Variants in SLC35G1 observed in about 807,000 individuals in gnomAD.
SLC35G1 encodes solute carrier family 35 member G1, also known as partner of STIM1.
A neutral mutation model predicts 17.1 loss-of-function variants in SLC35G1; 10 were observed. The observed-to-expected ratio is 0.59, with a 90% confidence interval of 0.36 to 0.99. The LOEUF (loss-of-function observed/expected upper bound fraction) is 0.99, where lower values mean the gene tolerates loss of function less well. SLC35G1 is among the 50% of genes least tolerant of loss of function. The pLI is 0.01. For missense variants in SLC35G1, 433 were observed against 468.4 expected, an observed-to-expected ratio of 0.92 and a Z score of 0.70; for synonymous variants, 185 against 181.1, an observed-to-expected ratio of 1.02 and a Z score of -0.18.
chr10:93,898,503 G>C (rs1441093324), intron 1 of SLC35G1, 68 bp from the exon 2 acceptor site: 3 of 1,497,040 alleles, frequency 2.0e-6, no homozygotes, highest in African/African-American at 1.4e-5. Context: ...ATTTTTCTCA[G>C]TTTCTAAGTG....
chr10:93,899,451 T>C (rs2060361336), intron 2 of SLC35G1, among the ~76,000 whole-genome samples: 1 of 152,140 alleles, frequency 6.6e-6, no homozygotes, highest in African/African-American at 2.4e-5. Context: ...GGGTTAAAAT[T>C]ATGCCTCCTT....
At chr10:93,906,544 T>TA (rs1199328946), downstream of SLC35G1, among the ~76,000 whole-genome samples, 9 of 148,066 alleles carry the variant, frequency 6.1e-5, no homozygotes, top group African/African-American at 7.4e-5. Flanking sequence ...TTTAAGCCAC[T>TA]AAAAAAAAAA....
chr10:93,905,915 G>T (rs900510095), downstream of SLC35G1, among the ~76,000 whole-genome samples: 2 of 152,162 alleles, frequency 1.3e-5, no homozygotes, highest in Non-Finnish European at 2.9e-5. Flanking sequence ...CAGCATGAAA[G>T]TACCATGCCA....
intron 1 of SLC35G1, among the ~76,000 whole-genome samples, chr10:93,896,286 G>A (rs2060329084): frequency 2.0e-5 from 3 of 152,162 alleles, no homozygotes. Context: ...ATGAGCCACT[G>A]CACCCAGGAA....
At chr10:93,908,200 A>G (rs1234659544), downstream of SLC35G1, 1 of 152,256 alleles carries the variant, frequency 6.6e-6, no homozygotes, top group Non-Finnish European at 1.5e-5. Context: ...TTTACTTGGA[A>G]AGGACACTAA....
rs1001082231 is a variant in SLC35G1, at chr10:93,898,875, C to T, written c.359+124C>T. 3.2e-6 allele frequency: 3 copies of T among 941,572 alleles called. No homozygotes were observed. In the Admixed American group the frequency reaches 9.8e-5, roughly 31 times the overall value. 58.3% of individuals were successfully genotyped at this position (941,572 alleles called of 1,614,324 possible). A position where few individuals can be genotyped will look rare whatever the true frequency, so the allele number is the denominator to read the frequency against. On this transcript the variant is annotated intron_variant, in intron 2 of 2. Transcript: ENST00000427197. The stretch of plus-strand genomic sequence containing the variant: ...ACTTACCAGTTCCTATGCCCCTTGG[C>T]TCTGCTTAATGAAAAGTCATAAGCA...
Position 93,898,126 on chromosome 10 carries a change from A to G in SLC35G1, c.179-445A>G, listed in dbSNP as rs1170403559. Among the ~76,000 whole-genome samples the G allele has an allele frequency of 4.1e-4, 63 of 152,234 alleles. 2 individuals carry two copies. Among genetic ancestry groups the G allele is most frequent in the Admixed American group, 4.1e-3 (63 of 15,288 alleles). Reference sequence around the variant, plus strand: ...GAGGAAGTCAAATAATCAACAGATAACTGTATAACCCAATTATAACCCATT... The same window carrying G: ...GAGGAAGTCAAATAATCAACAGATAGCTGTATAACCCAATTATAACCCATT... On this transcript the variant is annotated intron_variant, in intron 1 of 2. Transcript: ENST00000427197.
rs148540365 is a variant in SLC35G1 at position 93,895,355 on chromosome 10, C to T, written c.178+1144C>T. 3.8e-3 allele frequency among the ~76,000 whole-genome samples: 578 copies of T among 152,312 alleles called. 3 individuals are homozygous for T. The highest frequency in any genetic ancestry group is 0.013 in the African/African-American group (522 of 41,568). On this transcript the variant is annotated intron_variant, in intron 1 of 2. Coordinates refer to ENST00000427197, the MANE Select transcript of SLC35G1 (RefSeq NM_001134658.3). ...TGGTGCCTCTAGAACAGGGGTTATGCCAGGCTGAATTGAACAGATAAGCAG... is the reference window on the plus strand; with the variant it reads ...TGGTGCCTCTAGAACAGGGGTTATGTCAGGCTGAATTGAACAGATAAGCAG...
chr10:93,894,158 G>A lies in SLC35G1; in HGVS notation c.125G>A (p.Arg42His). The change falls in exon 1 of 3, where the codon CGC becomes CAC. Residue 42 changes from arginine (R) to histidine (H), a missense_variant. Coordinates refer to ENST00000427197, the MANE Select transcript of SLC35G1 (RefSeq NM_001134658.3). ...AAAEAAGAPDRGRCWLCLSSP... is the reference protein window; with the variant it reads ...AAAEAAGAPDHGRCWLCLSSP... ...GCCGAGGCAGCTGGGGCGCCAGACC[G>A]CGGTAGGTGCTGGCTCTGCCTTTCC... 2.0e-6 allele frequency: 3 copies of A among 1,480,526 alleles called. No homozygotes were observed. The highest frequency in any genetic ancestry group is 2.9e-5 in the East Asian group (1 of 34,044). The allele number at this position is 1,480,526 out of a possible 1,614,324, so 91.7% of individuals were successfully genotyped here.
At chr10:93,897,894 A>G (rs1413768520) in intron 1 of SLC35G1, among the ~76,000 whole-genome samples, 1 of 152,240 alleles carries the variant, frequency 6.6e-6, no homozygotes, top group Non-Finnish European at 1.5e-5. Context: ...AAGCATGAAA[A>G]GTTAAATATA....
chr10:93,894,053 C>A lies in SLC35G1; in HGVS notation c.20C>A (p.Thr7Asn). 1 of 1,481,282 alleles carries A rather than the reference C, an allele frequency of 6.8e-7. No individual in the cohort carries two copies. Among genetic ancestry groups the A allele is most frequent in the Non-Finnish European group, 8.9e-7 (1 of 1,124,162 alleles). The allele number at this position is 1,481,282 out of a possible 1,614,324, so 91.8% of individuals were successfully genotyped here. A position where few individuals can be genotyped will look rare whatever the true frequency, so the allele number is the denominator to read the frequency against. MRPQDS[T>N]GVAELQEPGL... is the part of the protein sequence containing the mutation. ...CGCGAGATGCGGCCTCAGGACAGCA[C>A]CGGGGTCGCGGAGCTCCAGGAGCCC... The change falls in exon 1 of 3, where the codon ACC becomes AAC. Residue 7 changes from threonine (T) to asparagine (N), a missense_variant. Thr to Asn is a moderately conservative substitution (Grantham distance 65). Transcript: ENST00000427197.
rs2134067149 is a variant in SLC35G1 at position 93,898,821 on chromosome 10, T to C, written c.359+70T>C. The C allele has an allele frequency of 2.1e-6, 3 of 1,417,770 alleles. No homozygotes were observed. The East Asian group carries it at 7.0e-5, about 33-fold the overall frequency. 87.8% of individuals were successfully genotyped at this position (1,417,770 alleles called of 1,614,324 possible). A position where few individuals can be genotyped will look rare whatever the true frequency, so the allele number is the denominator to read the frequency against. On this transcript the variant is annotated intron_variant, in intron 2 of 2. Transcript: ENST00000427197. The stretch of plus-strand genomic sequence containing the variant: ...TGTATATCTTTTCACCTGCCTATAA[T>C]TACTCTATCTGCTTTATCCATCTCA...
chr10:93,895,133 A>G (rs959021636), intron 1 of SLC35G1, among the ~76,000 whole-genome samples: 3 of 152,180 alleles, frequency 2.0e-5, no homozygotes, highest in African/African-American at 7.2e-5. Context: ...CACGGCCTGC[A>G]CCACCTTGTC....
At chr10:93,895,698 A>G (rs1212544876) in intron 1 of SLC35G1, among the ~76,000 whole-genome samples, 1 of 152,214 alleles carries the variant, frequency 6.6e-6, no homozygotes, top group East Asian at 1.9e-4. Flanking sequence ...TCTTGTTCTA[A>G]CTGCTTATCT....
In SLC35G1 at chr10:93,894,020, G is replaced by T. The variant is rs577014272; in HGVS notation, c.-14G>T. On this transcript the variant is annotated 5_prime_UTR_variant, in exon 1 of 3. Transcript: ENST00000427197. ...CCAGACGGCACCGGCCGCTGGTAGA[G>T]CGCGTGCCGCGAGATGCGGCCTCAG... is the stretch of plus-strand genomic sequence containing the variant. 3 of 1,400,538 alleles carry T rather than the reference G, an allele frequency of 2.1e-6. No homozygotes were observed. The highest frequency in any genetic ancestry group is 3.1e-5 in the East Asian group (1 of 32,496). The allele number at this position is 1,400,538 out of a possible 1,614,324, so 86.8% of individuals were successfully genotyped here. A position where few individuals can be genotyped will look rare whatever the true frequency, so the allele number is the denominator to read the frequency against.
rs544185205 is a variant in SLC35G1, at chr10:93,900,628, ATTAAT to A, written c.360-120_360-116del. 1.2e-4 allele frequency: 89 copies of A among 771,102 alleles called. 1 individual carries two copies. In the East Asian group the frequency reaches 2.4e-3, roughly 21 times the overall value. The allele number at this position is 771,102 out of a possible 1,614,324, so 47.8% of individuals were successfully genotyped here. A position where few individuals can be genotyped will look rare whatever the true frequency, so the allele number is the denominator to read the frequency against. ...ATAATATTCATTTGTGGATATTATAATTAATTTACTATTCCCTCATTTTTTGATAT... is the reference window on the plus strand; with the variant it reads ...ATAATATTCATTTGTGGATATTATAATTACTATTCCCTCATTTTTTGATAT... On this transcript the variant is annotated intron_variant, in intron 2 of 2. Coordinates refer to ENST00000427197, the MANE Select transcript of SLC35G1 (RefSeq NM_001134658.3).
rs2134070269 is a variant in SLC35G1 at position 93,901,713 on chromosome 10, TG to T, written c.*224del. 1 of 420,946 alleles carries T rather than the reference TG, an allele frequency of 2.4e-6. No homozygotes were observed. The highest frequency in any genetic ancestry group is 4.0e-5 in the East Asian group (1 of 25,282). 26.1% of individuals were successfully genotyped at this position (420,946 alleles called of 1,614,324 possible). A position where few individuals can be genotyped will look rare whatever the true frequency, so the allele number is the denominator to read the frequency against. On this transcript the variant is annotated 3_prime_UTR_variant, in exon 3 of 3. Transcript: ENST00000427197. ...TGGTTTTGGTTTTGGTTTTTTTTGT[TG>T]TTGTTGTTGGGGTCAAGTTGGTGAG...
chr10:93,908,352 C>G (rs112037968), downstream of SLC35G1: 268 of 152,308 alleles, frequency 1.8e-3, 1 homozygote, highest in African/African-American at 6.2e-3. Context: ...TTCTAGTCCC[C>G]TCACTAGTAA....
chr10:93,900,962 C>T lies in SLC35G1; in HGVS notation c.570C>T (p.Thr190=), dbSNP rs780842707. The change falls in exon 3 of 3, where the codon ACC becomes ACT. Residue 190 remains threonine (T), a synonymous_variant. Transcript: ENST00000427197. ...EKYSPWDALF[T]VFTITGVILI... Reference sequence around the variant, plus strand: ...ATAGCCCTTGGGATGCTCTTTTCACCGTGTTCACAATCACTGGAGTGATCC... The same window carrying T: ...ATAGCCCTTGGGATGCTCTTTTCACTGTGTTCACAATCACTGGAGTGATCC... 48 of 1,613,930 alleles carry T rather than the reference C, an allele frequency of 3.0e-5. No individual in the cohort carries two copies. Among genetic ancestry groups the T allele is most frequent in the East Asian group, 4.5e-5 (2 of 44,894 alleles).
Sources: allele counts gnomAD v4.1 joint callset (sites outside exome capture counted in the v4.1 genomes callset), GRCh38; gene constraint gnomAD v4.1.1; transcripts MANE v1.5; gene names NCBI Gene and HGNC (gene_info 2026-07-23, HGNC 2026-07-21).